Variants in RBM26 observed in about 807,000 individuals in gnomAD.
RBM26 encodes RNA binding motif protein 26.
Under a neutral mutation model 123.6 loss-of-function variants are expected in RBM26, and 30 were observed. The ratio of observed to expected loss-of-function variants is 0.24; its 90% CI spans 0.18 to 0.33. The LOEUF is 0.33. Ranked by LOEUF, RBM26 falls within the 10% of genes least tolerant of loss-of-function variation. The pLI, the probability that RBM26 is intolerant of heterozygous loss-of-function variation, is 1.00. For synonymous variants in RBM26, 400 were observed against 404.4 expected, an observed-to-expected ratio of 0.99 and a Z score of 0.13; for missense variants, 947 against 1,203.6, an observed-to-expected ratio of 0.79 and a Z score of 3.15.
chr13:79,384,880 A>G (rs915240143), intron 1 of RBM26, among the ~76,000 whole-genome samples: 6 of 152,346 alleles, frequency 3.9e-5, no homozygotes, highest in Middle Eastern at 3.4e-3. Context: ...AAAGAAAGCT[A>G]TAATACTCCA....
intron 19 of RBM26, 77 bp downstream of exon 19, chr13:79,337,025 T>A: frequency 7.5e-7 from 1 of 1,335,710 alleles, no homozygotes; most frequent in African/African-American, 1.5e-5. Flanking sequence ...GTCCTTTTCA[T>A]AACTTCCTCT....
At chr13:79,351,145 A>G (rs576117396) in intron 14 of RBM26, among the ~76,000 whole-genome samples, 2 of 152,230 alleles carry the variant, frequency 1.3e-5, no homozygotes, top group Non-Finnish European at 2.9e-5. Context: ...CACTGCAAAA[A>G]TTTTATAAAA....
chr13:79,344,998 A>G (rs998799056), intron 14 of RBM26, among the ~76,000 whole-genome samples: 7 of 152,196 alleles, frequency 4.6e-5, no homozygotes, highest in Non-Finnish European at 1.0e-4. Context: ...AATTTAAAAA[A>G]ATGAACACCA....
chr13:79,368,768 C>A lies in RBM26; in HGVS notation c.857G>T (p.Arg286Ile). ...ACACCGTTTCTTTGGCATGGGTGGT[C>A]TTACGTAAGAGTTATGGTCCACTTG... ...EDQVDHNSYVRPPMPKKRCRD... is the reference protein window; with the variant it reads ...EDQVDHNSYVIPPMPKKRCRD... The change falls in exon 6 of 22, where the codon AGA (arginine) becomes ATA (isoleucine). Residue 286 changes from arginine to isoleucine, a missense_variant. Arg to Ile is a moderately conservative substitution (Grantham distance 97). Transcript: ENST00000438737. 1 of 1,614,000 alleles carries A rather than the reference C, an allele frequency of 6.2e-7. No homozygotes were observed. Among genetic ancestry groups the A allele is most frequent in the South Asian group, 1.1e-5 (1 of 91,072 alleles).
intron 18 of RBM26, among the ~76,000 whole-genome samples, chr13:79,338,083 G>C (rs909393819): frequency 6.6e-6 from 1 of 152,146 alleles, no homozygotes; most frequent in Non-Finnish European, 1.5e-5. Flanking sequence ...GCCAGGCGTA[G>C]TGCCTGTAGT....
intron 19 of RBM26, among the ~76,000 whole-genome samples, chr13:79,334,966 T>G (rs1261130583): frequency 3.9e-5 from 6 of 152,150 alleles, no homozygotes; most frequent in Non-Finnish European, 5.9e-5. Context: ...TACTACACAC[T>G]CTACTGTACT....
intron 9 of RBM26, among the ~76,000 whole-genome samples, chr13:79,361,964 T>C (rs1223792532): frequency 6.6e-6 from 1 of 152,154 alleles, no homozygotes; most frequent in African/African-American, 2.4e-5. Context: ...CCTACAGATT[T>C]TGGTATGGCT....
At chr13:79,391,249 A>C (rs1238077328) in intron 1 of RBM26, among the ~76,000 whole-genome samples, 1 of 152,178 alleles carries the variant, frequency 6.6e-6, no homozygotes, top group East Asian at 1.9e-4. Context: ...TTGACTGGTA[A>C]CCCAATTAGT....
In RBM26 at chr13:79,371,898, A is replaced by G; in HGVS notation, c.360T>C (p.Phe120=). Residue 120 remains phenylalanine (F), a synonymous_variant, in exon 4 of 22, where the codon TTT becomes TTC. Transcript: ENST00000438737. ...GAGGACTGTGATTTAGCCTTCTAGA[A>G]AACTTCTTCTCTCGCTCTTCCTCCT... The part of the protein sequence containing the change: ...ITKEEEREKK[F]SRRLNHSPPQ... 1 of 1,613,026 alleles carries G rather than the reference A, an allele frequency of 6.2e-7. No homozygotes were observed. Among genetic ancestry groups the G allele is most frequent in the Non-Finnish European group, 8.5e-7 (1 of 1,179,296 alleles).
At position 79,366,193 on chromosome 13, in the gene RBM26, G is replaced by A; in HGVS notation, c.1138C>T (p.Pro380Ser). Residue 380 changes from proline to serine, a missense_variant and splice_region_variant, in exon 8 of 22, where the codon CCA becomes TCA. This residue lies in a region of RBM26 where 493 missense variants were observed against 563.1 expected (regional missense o/e 0.88). Coordinates refer to ENST00000438737, the MANE Select transcript of RBM26 (RefSeq NM_001366735.2). ...TGCAAAGGAGGAAGTGGAGGTGGTG[G>A]TCCTGTCAAAACCAAAGAATAAGAA... is the stretch of plus-strand genomic sequence containing the variant. ...LPPSLPPVTG[P>S]PPPLPPLQPS... 2 of 1,610,678 alleles carry A rather than the reference G, an allele frequency of 1.2e-6. No homozygotes were observed. Among genetic ancestry groups the A allele is most frequent in the Non-Finnish European group, 1.7e-6 (2 of 1,178,934 alleles).
intron 3 of RBM26, among the ~76,000 whole-genome samples, chr13:79,373,468 GTATAAATATACAAATATATATAATA>G: frequency 9.8e-4 from 1 of 1,018 alleles, no homozygotes; most frequent in Non-Finnish European, 3.4e-3. Context: ...TATATAATAT[GTATAAATATACAAATATATATAATA>G]TGTATAAATA....
At chr13:79,370,260 G>A (rs1322409062) in intron 5 of RBM26, among the ~76,000 whole-genome samples, 1 of 152,164 alleles carries the variant, frequency 6.6e-6, no homozygotes, top group African/African-American at 2.4e-5. Flanking sequence ...AGGTTGCAAT[G>A]AGCTGAAACA....
intron 14 of RBM26, among the ~76,000 whole-genome samples, chr13:79,345,850 CA>C (rs57762567): frequency 7.6e-4 from 107 of 141,152 alleles, no homozygotes; most frequent in Non-Finnish European, 7.5e-4. Flanking sequence ...ACGGTCAGCT[CA>C]AAAAAAAAAA....
chr13:79,375,167 TTA>T (rs1190829150), intron 3 of RBM26, among the ~76,000 whole-genome samples: 2 of 132,458 alleles, frequency 1.5e-5, no homozygotes, highest in African/African-American at 5.6e-5. Flanking sequence ...TTTATATATA[TTA>T]TATATATATA....
rs1300050733 is a variant in RBM26, at chr13:79,319,730, G to T, written c.*891C>A. 1 of 983,280 alleles carries T rather than the reference G, an allele frequency of 1.0e-6. No individual in the cohort carries two copies. Among genetic ancestry groups the T allele is most frequent in the Middle Eastern group, 5.2e-4 (1 of 1,910 alleles). The allele number at this position is 983,280 out of a possible 1,614,324, so 60.9% of individuals were successfully genotyped here. A position where few individuals can be genotyped will look rare whatever the true frequency, so the allele number is the denominator to read the frequency against. On this transcript the variant is annotated 3_prime_UTR_variant, in exon 22 of 22. Transcript: ENST00000438737. ...TTAAGACATTTGTTGAAAATTTATA[G>T]GATCAAACCAAACTCAAGTGGTATA...
Position 79,319,751 on chromosome 13 carries a change from G to T in RBM26, c.*870C>A. 1 of 982,294 alleles carries T rather than the reference G, an allele frequency of 1.0e-6. No individual in the cohort carries two copies. The highest frequency in any genetic ancestry group is 1.2e-6 in the Non-Finnish European group (1 of 827,490). 60.8% of individuals were successfully genotyped at this position (982,294 alleles called of 1,614,324 possible). A position where few individuals can be genotyped will look rare whatever the true frequency, so the allele number is the denominator to read the frequency against. On this transcript the variant is annotated 3_prime_UTR_variant, in exon 22 of 22. Transcript: ENST00000438737. ...TATAGGATCAAACCAAACTCAAGTG[G>T]TATAATTTTTAAACATTGGATTGTA...
At chr13:79,345,159 A>G (rs2072102482) in intron 14 of RBM26, among the ~76,000 whole-genome samples, 1 of 152,134 alleles carries the variant, frequency 6.6e-6, no homozygotes, top group Non-Finnish European at 1.5e-5. Flanking sequence ...AGAGCATGGC[A>G]CAGGAGGAAA....
intron 1 of RBM26, among the ~76,000 whole-genome samples, chr13:79,390,362 C>T (rs1438758683): frequency 6.6e-6 from 1 of 152,012 alleles, no homozygotes; most frequent in African/African-American, 2.4e-5. Flanking sequence ...TACTCTGATT[C>T]CACTGACAGA....
intron 14 of RBM26, 106 bp downstream of exon 14, chr13:79,353,047 C>A: frequency 3.5e-6 from 2 of 572,942 alleles, no homozygotes; most frequent in South Asian, 2.9e-5. Context: ...GATACAGATA[C>A]TATTAAGAAG....
Sources: gnomAD v4.1 joint callset for allele counts (sites outside exome capture counted in the v4.1 genomes callset) on GRCh38, gnomAD v4.1.1 for gene constraint, gnomAD v4.1.1 regional missense constraint, MANE v1.5 for transcripts, NCBI Gene and HGNC (gene_info 2026-07-23, HGNC 2026-07-21) for gene names.